Variants in CARD8 observed in about 807,000 individuals in gnomAD.
CARD8 encodes the protein caspase recruitment domain-containing protein 8.
In CARD8, 38 loss-of-function variants were observed where a neutral mutation model predicts 53.2. The observed-to-expected ratio is 0.71, with a 90% confidence interval of 0.55 to 0.94. CARD8 has a LOEUF of 0.94. Ranked by LOEUF, CARD8 falls within the 40% of genes least tolerant of loss-of-function variation. The probability of loss-of-function intolerance (pLI) is 0.00; values close to 1 mark genes in which losing one functional copy is unlikely to be tolerated. For synonymous variants in CARD8, 245 were observed against 244.9 expected, an observed-to-expected ratio of 1.00 and a Z score of 0.00; for missense variants, 561 against 655.5, an observed-to-expected ratio of 0.86 and a Z score of 1.57.
Position 48,231,770 on chromosome 19 carries a change from A to AT in CARD8, c.431dup (p.Tyr144Ter), listed in dbSNP as rs771197243. The AT allele has an allele frequency of 6.2e-7, 1 of 1,614,032 alleles. No homozygotes were observed. The highest frequency in any genetic ancestry group is 1.3e-5 in the African/African-American group (1 of 75,042). ...CGATCTCAAAACAGACTTTAGAAGC[A>AT]TAAGAGGAAACTATTTGATTCTCTT... is the stretch of plus-strand genomic sequence containing the variant. ...CSEENQIVSS[Y>*]ASKVCFEIEE... The change falls in exon 8 of 14, where the codon TAT (tyrosine) becomes TAAT (stop). Residue 144 changes from tyrosine to a stop codon, truncating the protein, a stop_gained and frameshift_variant. Coordinates refer to ENST00000651546, the MANE Select transcript of CARD8 (RefSeq NM_001184900.3). LOFTEE classifies it high-confidence loss of function.
chr19:48,230,359 C>A lies in CARD8; in HGVS notation c.1035+79G>T, dbSNP rs140740487. On this transcript the variant is annotated intron_variant, in intron 10 of 13. Transcript: ENST00000651546. ...ACCATGCCTTGCCCTTTCTGTTCCA[C>A]GAGGAACTGGAGGGGCCAAGGGGAT... 5.5e-6 allele frequency: 8 copies of A among 1,465,714 alleles called. No homozygotes were observed. In the East Asian group the frequency reaches 9.1e-5, roughly 17 times the overall value. 90.8% of individuals were successfully genotyped at this position (1,465,714 alleles called of 1,614,324 possible). A position where few individuals can be genotyped will look rare whatever the true frequency, so the allele number is the denominator to read the frequency against.
At chr19:48,245,969 T>C (rs1163028775) in intron 3 of CARD8, among the ~76,000 whole-genome samples, 1 of 151,342 alleles carries the variant, frequency 6.6e-6, no homozygotes, top group African/African-American at 2.4e-5. Context: ...TGTTAGCATA[T>C]CATACCATTA....
intron 3 of CARD8, among the ~76,000 whole-genome samples, chr19:48,244,654 C>T (rs1175646769): frequency 1.3e-5 from 2 of 152,088 alleles, no homozygotes; most frequent in African/African-American, 4.8e-5. Context: ...TACAGAAATA[C>T]TACAAAAACA....
intron 1 of CARD8, among the ~76,000 whole-genome samples, chr19:48,251,607 T>C (rs2046950115): frequency 6.6e-6 from 1 of 152,224 alleles, no homozygotes; most frequent in Admixed American, 6.5e-5. Flanking sequence ...ATTTGGGGCT[T>C]GGATTATATT....
rs1433650405 is a variant in CARD8, at chr19:48,209,306, AAAG to A, written c.*2401_*2403del. The A allele has an allele frequency of 1.3e-5, 2 of 152,120 alleles. No individual in the cohort carries two copies. Among genetic ancestry groups the A allele is most frequent in the African/African-American group, 2.4e-5 (1 of 41,430 alleles). The allele number at this position is 152,120 out of a possible 1,614,324, so 9.4% of individuals were successfully genotyped here. A position where few individuals can be genotyped will look rare whatever the true frequency, so the allele number is the denominator to read the frequency against. On this transcript the variant is annotated 3_prime_UTR_variant, in exon 14 of 14. Transcript: ENST00000651546. The stretch of plus-strand genomic sequence containing the variant: ...GTTGAGACCCTGTCTTGAAAAAAAA[AAAG>A]CTCAAACAAGCAAATGCTGACACAT...
At chr19:48,222,131 G>T (rs138035276) in intron 10 of CARD8, among the ~76,000 whole-genome samples, 135 of 152,276 alleles carry the variant, frequency 8.9e-4, no homozygotes, top group African/African-American at 3.2e-3. Context: ...ATAAATTCTT[G>T]TATAGTTTGC....
chr19:48,234,592 G>C, intron 5 of CARD8, 49 bp from the exon 6 acceptor site: 1 of 1,537,308 alleles, frequency 6.5e-7, no homozygotes. Context: ...GTAGGTGCCT[G>C]ATGATAGCAT....
chr19:48,230,944 C>G lies in CARD8; in HGVS notation c.605G>C (p.Arg202Thr), dbSNP rs745416902. 1 of 1,614,166 alleles carries G rather than the reference C, an allele frequency of 6.2e-7. No individual in the cohort carries two copies. The highest frequency in any genetic ancestry group is 2.2e-5 in the East Asian group (1 of 44,880). Reference protein sequence around the residue: ...WSATGLGFLVRDEVTVTIAFG... With the variant: ...WSATGLGFLVTDEVTVTIAFG... ...CGCAATCGTCACTGTGACCTCATCC[C>G]TTACCAGGAAGCCGAGGCCTGTGGC... is the stretch of plus-strand genomic sequence containing the variant. The change falls in exon 9 of 14, where the codon AGG becomes ACG. Residue 202 changes from arginine (R) to threonine (T), a missense_variant. Physicochemically the swap from Arg to Thr is moderately conservative, Grantham distance 71 (BLOSUM62 -1). Coordinates refer to ENST00000651546, the MANE Select transcript of CARD8 (RefSeq NM_001184900.3).
At position 48,216,384 on chromosome 19, in the gene CARD8, G is replaced by A. The variant is rs145769129; in HGVS notation, c.1304-1000C>T. Among the ~76,000 whole-genome samples the A allele has an allele frequency of 2.6e-4, 40 of 152,288 alleles. No homozygotes were observed. The East Asian group carries it at 7.1e-3, about 27-fold the overall frequency. Reference sequence around the variant, plus strand: ...TAAACATCACAAGGAGAGCTAAGAAGTTGCACAAACAAAACTCTGACAATC... The same window carrying A: ...TAAACATCACAAGGAGAGCTAAGAAATTGCACAAACAAAACTCTGACAATC... On this transcript the variant is annotated intron_variant, in intron 12 of 13. Transcript: ENST00000651546.
chr19:48,255,487 T>C (rs1967069848), intron 1 of CARD8, among the ~76,000 whole-genome samples: 1 of 152,182 alleles, frequency 6.6e-6, no homozygotes, highest in African/African-American at 2.4e-5. Context: ...AACATAAACA[T>C]TGGTATAAAA....
downstream of CARD8, among the ~76,000 whole-genome samples, chr19:48,206,017 C>T (rs1222335385): frequency 6.6e-6 from 1 of 152,132 alleles, no homozygotes; most frequent in Non-Finnish European, 1.5e-5. Context: ...CCTGCCTCAG[C>T]CTCCCAAGTA....
Position 48,234,490 on chromosome 19 carries a change from A to T in CARD8, c.263T>A (p.Phe88Tyr). ...VSETLCDISH[F>Y]FQEDDETEAE... ...CTCTGTCTCATCATCTTCTTGGAAA[A>T]AATGTGAGATGTCACAAAGGGTCTC... The change falls in exon 6 of 14, where the codon TTT becomes TAT. Residue 88 changes from phenylalanine to tyrosine, a missense_variant. By Grantham distance (22) the Phe-to-Tyr change is conservative. Coordinates refer to ENST00000651546, the MANE Select transcript of CARD8 (RefSeq NM_001184900.3). The T allele has an allele frequency of 6.2e-7, 1 of 1,614,034 alleles. No individual in the cohort carries two copies. The highest frequency in any genetic ancestry group is 1.1e-5 in the South Asian group (1 of 91,074).
At chr19:48,233,608 G>A (rs1288161344) in intron 6 of CARD8, 1 of 332,248 alleles carries the variant, frequency 3.0e-6, no homozygotes, top group Non-Finnish European at 5.9e-6. Flanking sequence ...CCTGGTGCAT[G>A]TGCATGCTGG....
At chr19:48,231,237 T>C (rs1044543664) in intron 8 of CARD8, among the ~76,000 whole-genome samples, 3 of 152,190 alleles carry the variant, frequency 2.0e-5, no homozygotes, top group African/African-American at 7.2e-5. Flanking sequence ...GAAATAAACA[T>C]ATTATTGATG....
chr19:48,207,031 G>A (rs2037375027), downstream of CARD8, among the ~76,000 whole-genome samples: 1 of 151,938 alleles, frequency 6.6e-6, no homozygotes, highest in African/African-American at 2.4e-5. Context: ...AGCTGGGCGT[G>A]GTGGTGGGCA....
At chr19:48,252,888 G>A (rs1241570925) in intron 1 of CARD8, among the ~76,000 whole-genome samples, 1 of 151,752 alleles carries the variant, frequency 6.6e-6, no homozygotes. Context: ...AACTGTATCT[G>A]CTTGTTTTTG....
intron 3 of CARD8, among the ~76,000 whole-genome samples, chr19:48,246,068 C>A (rs2046058251): frequency 6.6e-6 from 1 of 152,154 alleles, no homozygotes; most frequent in Admixed American, 6.5e-5. Flanking sequence ...TCTCACATTG[C>A]ACTTACTTGT....
At chr19:48,228,998 A>G (rs1333101299) in intron 10 of CARD8, among the ~76,000 whole-genome samples, 2 of 152,004 alleles carry the variant, frequency 1.3e-5, no homozygotes, top group African/African-American at 4.8e-5. Context: ...AATTACCAGG[A>G]CGTGGTGGCA....
chr19:48,246,168 C>A (rs1315975994), intron 3 of CARD8, among the ~76,000 whole-genome samples: 1 of 152,160 alleles, frequency 6.6e-6, no homozygotes, highest in Non-Finnish European at 1.5e-5. Flanking sequence ...ACATGGTCAA[C>A]TATTTTACAG....
Sources: gnomAD v4.1 joint callset for allele counts (sites outside exome capture counted in the v4.1 genomes callset) on GRCh38, gnomAD v4.1.1 for gene constraint, MANE v1.5 for transcripts, NCBI Gene and HGNC (gene_info 2026-07-23, HGNC 2026-07-21) for gene names.